Variants in HOMER1 observed in about 807,000 individuals in gnomAD.
HOMER1 encodes homer scaffold protein 1.
In HOMER1, 3 loss-of-function variants were observed where a neutral mutation model predicts 48.9. The ratio of observed to expected loss-of-function variants is 0.06; its 90% CI spans 0.03 to 0.16. The LOEUF (loss-of-function observed/expected upper bound fraction) is 0.16. Among genes scored for constraint, HOMER1 ranks in the 10% least tolerant of loss-of-function variants. The pLI, the probability that HOMER1 is intolerant of heterozygous loss-of-function variation, is 1.00. For missense variants in HOMER1, 247 were observed against 411.4 expected (o/e 0.60, Z 3.46); for synonymous variants, 134 against 146.4 (o/e 0.92, Z 0.61).
At chr5:79,398,048 C>T (rs1261516052) in intron 6 of HOMER1, 1 of 153,274 alleles carries the variant, frequency 6.5e-6, no homozygotes, top group African/African-American at 2.4e-5. Flanking sequence ...AAATACATTT[C>T]CAACATGTAA....
chr5:79,482,895 C>G (rs1751985161), intron 1 of HOMER1, among the ~76,000 whole-genome samples: 1 of 151,770 alleles, frequency 6.6e-6, no homozygotes, highest in Admixed American at 6.6e-5. Flanking sequence ...CCCAGCTACT[C>G]AAGAGGCCGA....
chr5:79,477,009 T>C (rs1325819261), intron 1 of HOMER1, among the ~76,000 whole-genome samples: 2 of 152,190 alleles, frequency 1.3e-5, no homozygotes, highest in Admixed American at 6.5e-5. Context: ...ATCAGAGTCC[T>C]GCCTTGAGTA....
intron 1 of HOMER1, among the ~76,000 whole-genome samples, chr5:79,487,406 T>C (rs993344573): frequency 6.6e-6 from 1 of 152,210 alleles, no homozygotes; most frequent in Non-Finnish European, 1.5e-5. Flanking sequence ...TGTGCCTCCC[T>C]GTGTAACGCA....
intron 5 of HOMER1, among the ~76,000 whole-genome samples, chr5:79,416,394 AT>A (rs968319627): frequency 1.2e-4 from 19 of 152,326 alleles, no homozygotes; most frequent in Non-Finnish European, 2.4e-4. Flanking sequence ...AATCTATGTT[AT>A]GTGTACTCCA....
intron 8 of HOMER1, among the ~76,000 whole-genome samples, chr5:79,379,097 TA>T (rs1748860958): frequency 1.6e-5 from 1 of 60,998 alleles, no homozygotes; most frequent in African/African-American, 9.8e-5. Flanking sequence ...TATATATATA[TA>T]TATATATATA....
intron 1 of HOMER1, among the ~76,000 whole-genome samples, chr5:79,462,006 C>T (rs1751328371): frequency 1.3e-5 from 2 of 152,262 alleles, no homozygotes; most frequent in South Asian, 4.1e-4. Context: ...TGAGACCAGC[C>T]TGGGCAACAT....
intron 1 of HOMER1, among the ~76,000 whole-genome samples, chr5:79,487,005 G>GCA: frequency 6.6e-6 from 1 of 152,320 alleles, no homozygotes; most frequent in East Asian, 1.9e-4. Context: ...TTTTGGCCAG[G>GCA]CACAGTGGCT....
At chr5:79,424,339 T>C (rs1162624509) in intron 5 of HOMER1, among the ~76,000 whole-genome samples, 1 of 151,988 alleles carries the variant, frequency 6.6e-6, no homozygotes, top group Non-Finnish European at 1.5e-5. Flanking sequence ...AAACCAGACA[T>C]TTTTACTTTA....
chr5:79,437,061 CT>C (rs1201548431), intron 5 of HOMER1, among the ~76,000 whole-genome samples: 1 of 152,144 alleles, frequency 6.6e-6, no homozygotes, highest in South Asian at 2.1e-4. Context: ...CAAAGTAACT[CT>C]TATTAGACTC....
chr5:79,432,648 A>T (rs1044144215), intron 5 of HOMER1, among the ~76,000 whole-genome samples: 12 of 152,080 alleles, frequency 7.9e-5, no homozygotes, highest in Admixed American at 5.2e-4. Context: ...GTCAGTTCTT[A>T]AAAAAAATCA....
chr5:79,428,560 A>G (rs959854068), intron 5 of HOMER1, among the ~76,000 whole-genome samples: 1 of 152,180 alleles, frequency 6.6e-6, no homozygotes, highest in Admixed American at 6.5e-5. Flanking sequence ...CCACTAAAAA[A>G]TGATTAAGAC....
At chr5:79,390,628 A>C (rs911071798) in intron 8 of HOMER1, among the ~76,000 whole-genome samples, 2 of 152,226 alleles carry the variant, frequency 1.3e-5, no homozygotes, top group African/African-American at 2.4e-5. Context: ...CTATCCAAGT[A>C]TATGAACACA....
chr5:79,508,745 C>T (rs554456862), intron 1 of HOMER1, among the ~76,000 whole-genome samples: 1 of 152,222 alleles, frequency 6.6e-6, no homozygotes, highest in Non-Finnish European at 1.5e-5. Flanking sequence ...GCCCCCCCAA[C>T]ACACACTTTG....
At chr5:79,499,982 G>A (rs1256823438) in intron 1 of HOMER1, among the ~76,000 whole-genome samples, 1 of 152,110 alleles carries the variant, frequency 6.6e-6, no homozygotes, top group Non-Finnish European at 1.5e-5. Flanking sequence ...TGCTGGAAGT[G>A]CTCCCAAGAA....
intron 6 of HOMER1, among the ~76,000 whole-genome samples, chr5:79,401,509 C>T (rs1448298931): frequency 6.6e-6 from 1 of 152,176 alleles, no homozygotes. Flanking sequence ...GAAAAGCATT[C>T]CCGCTTCACC....
rs569012083 is a variant in HOMER1 at position 79,490,816 on chromosome 5, GGTGACACAAAAGCCTGTAGAA to G, written c.5+21933_5+21953del. Among the ~76,000 whole-genome samples, 27 of 150,152 alleles carry G rather than the reference GGTGACACAAAAGCCTGTAGAA, an allele frequency of 1.8e-4. No individual in the cohort carries two copies. The East Asian group carries it at 4.9e-3, about 27-fold the overall frequency. Reference sequence around the variant, plus strand: ...AACCATAAAAAAATTAGCCAGGCATGGTGACACAAAAGCCTGTAGAACCAGCTACTTGGAAGGCTGAGGCAG... The same window carrying G: ...AACCATAAAAAAATTAGCCAGGCATGCCAGCTACTTGGAAGGCTGAGGCAG... On this transcript the variant is annotated intron_variant, in intron 1 of 8. Coordinates refer to ENST00000334082, the MANE Select transcript of HOMER1 (RefSeq NM_004272.5).
intron 8 of HOMER1, among the ~76,000 whole-genome samples, chr5:79,395,877 T>C (rs958056122): frequency 6.6e-6 from 1 of 152,210 alleles, no homozygotes; most frequent in Non-Finnish European, 1.5e-5. Flanking sequence ...CAGTGTCCGA[T>C]ATGTTGCAAG....
intron 1 of HOMER1, among the ~76,000 whole-genome samples, chr5:79,502,716 T>G (rs1232395820): frequency 2.0e-5 from 3 of 152,200 alleles, no homozygotes; most frequent in African/African-American, 7.2e-5. Context: ...CACTGACTAC[T>G]CAGAATATAC....
chr5:79,408,183 G>A (rs1749717114), intron 5 of HOMER1, among the ~76,000 whole-genome samples: 1 of 152,136 alleles, frequency 6.6e-6, no homozygotes, highest in Non-Finnish European at 1.5e-5. Flanking sequence ...TATATCCCCT[G>A]TGGTTAAGGA....
Sources: allele counts gnomAD v4.1 joint callset (sites outside exome capture counted in the v4.1 genomes callset), GRCh38; gene constraint gnomAD v4.1.1; transcripts MANE v1.5; gene names NCBI Gene and HGNC (gene_info 2026-07-23, HGNC 2026-07-21).